SH3GL2: variants seen among roughly 807,000 people sequenced by gnomAD.
SH3GL2 encodes the protein SH3 domain containing GRB2 like 2, endophilin A1.
A neutral mutation model predicts 46.0 loss-of-function variants in SH3GL2; 24 were observed. The ratio of observed to expected loss-of-function variants is 0.52; its 90% CI spans 0.38 to 0.73. SH3GL2 has a LOEUF of 0.73. Among genes scored for constraint, SH3GL2 ranks in the 30% least tolerant of loss-of-function variants. SH3GL2 has a pLI of 0.00. For missense variants in SH3GL2, 413 were observed against 424.2 expected (o/e 0.97, Z 0.23); for synonymous variants, 196 against 147.1 (o/e 1.33, Z -2.40).
intron 1 of SH3GL2, among the ~76,000 whole-genome samples, chr9:17,650,968 G>T (rs890834233): frequency 6.6e-6 from 1 of 151,296 alleles, no homozygotes; most frequent in Non-Finnish European, 1.5e-5. Flanking sequence ...CCTTTTCTCT[G>T]TTTCTCCCCT....
At chr9:17,639,384 C>G (rs1384573576) in intron 1 of SH3GL2, among the ~76,000 whole-genome samples, 1 of 152,030 alleles carries the variant, frequency 6.6e-6, no homozygotes, top group Non-Finnish European at 1.5e-5. Context: ...AAAATATAGA[C>G]AAATGGTTTG....
intron 1 of SH3GL2, among the ~76,000 whole-genome samples, chr9:17,581,103 AT>A (rs1379298054): frequency 6.6e-6 from 1 of 152,260 alleles, no homozygotes; most frequent in Non-Finnish European, 1.5e-5. Context: ...AATTATAGTT[AT>A]TGACATAAAG....
chr9:17,645,541 TCAGGAGTTCTTGTAAGGCAGG>T (rs1819794327), intron 1 of SH3GL2, among the ~76,000 whole-genome samples: 1 of 152,192 alleles, frequency 6.6e-6, no homozygotes, highest in Admixed American at 6.5e-5. Flanking sequence ...AGTGCTTCCT[TCAGGAGTTCTTGTAAGGCAGG>T]CCTGATGGTG....
chr9:17,682,121 ATTAG>A (rs1378137584), intron 1 of SH3GL2, among the ~76,000 whole-genome samples: 4 of 152,184 alleles, frequency 2.6e-5, no homozygotes, highest in Non-Finnish European at 5.9e-5. Flanking sequence ...GGGAATGTAA[ATTAG>A]TTCAACCATT....
At chr9:17,579,915 A>C (rs1818246234) in intron 1 of SH3GL2, among the ~76,000 whole-genome samples, 1 of 152,216 alleles carries the variant, frequency 6.6e-6, no homozygotes, top group Admixed American at 6.5e-5. Flanking sequence ...GGGCATGACA[A>C]ACAGTCTGCG....
At chr9:17,624,806 T>C (rs1222243766) in intron 1 of SH3GL2, among the ~76,000 whole-genome samples, 8 of 152,210 alleles carry the variant, frequency 5.3e-5, no homozygotes, top group African/African-American at 1.9e-4. Context: ...AGAAAGGGTA[T>C]AGGCAGTATG....
At chr9:17,643,037 ATT>A (rs980384172) in intron 1 of SH3GL2, among the ~76,000 whole-genome samples, 1 of 152,120 alleles carries the variant, frequency 6.6e-6, no homozygotes, top group Non-Finnish European at 1.5e-5. Context: ...ATGTTTTTCC[ATT>A]TGTTTGTGTC....
At chr9:17,762,697 G>A (rs1204767287) in intron 3 of SH3GL2, among the ~76,000 whole-genome samples, 1 of 152,162 alleles carries the variant, frequency 6.6e-6, no homozygotes, top group Non-Finnish European at 1.5e-5. Flanking sequence ...AACTGACAGT[G>A]GTCTAGATAC....
intron 1 of SH3GL2, among the ~76,000 whole-genome samples, chr9:17,652,711 C>T (rs966385692): frequency 6.6e-6 from 1 of 152,082 alleles, no homozygotes; most frequent in Admixed American, 6.5e-5. Context: ...CTCATTGGAG[C>T]ATTAGAGTTC....
chr9:17,713,037 G>A (rs955767300), intron 1 of SH3GL2, among the ~76,000 whole-genome samples: 4 of 150,308 alleles, frequency 2.7e-5, no homozygotes, highest in Admixed American at 1.3e-4. Flanking sequence ...CCTTTTTAAA[G>A]TTTAAGGGCA....
Position 17,795,545 on chromosome 9 carries a change from T to C in SH3GL2, c.861T>C (p.Gly287=). The change falls in exon 9 of 9, where the codon GGT becomes GGC. Residue 287 remains glycine (G), a splice_region_variant and synonymous_variant. Transcript: ENST00000380607. The part of the protein sequence containing the change: ...LSHTGTPKPS[G]VQMDQPCCRA... ...CTTCTCTCCTGCTCTTACTCCCAGG[T>C]GTCCAAATGGATCAGCCCTGCTGCC... The C allele has an allele frequency of 6.2e-7, 1 of 1,613,080 alleles. No individual in the cohort carries two copies. The highest frequency in any genetic ancestry group is 8.5e-7 in the Non-Finnish European group (1 of 1,179,148).
At chr9:17,770,823 C>T (rs145791864) in intron 3 of SH3GL2, among the ~76,000 whole-genome samples, 2 of 152,192 alleles carry the variant, frequency 1.3e-5, no homozygotes, top group African/African-American at 4.8e-5. Context: ...CCAGAGCTCT[C>T]AATCACACTG....
At chr9:17,784,341 A>G (rs1823896934) in intron 3 of SH3GL2, among the ~76,000 whole-genome samples, 1 of 152,170 alleles carries the variant, frequency 6.6e-6, no homozygotes, top group Admixed American at 6.6e-5. Context: ...GCCAAGATAT[A>G]AGCACTTACC....
chr9:17,641,225 T>C (rs1588197849), intron 1 of SH3GL2, among the ~76,000 whole-genome samples: 1 of 152,144 alleles, frequency 6.6e-6, no homozygotes, highest in Non-Finnish European at 1.5e-5. Context: ...AAGCAAACAG[T>C]TTTTCCAGTC....
intron 1 of SH3GL2, among the ~76,000 whole-genome samples, chr9:17,699,797 C>T (rs1404780128): frequency 6.6e-6 from 1 of 152,182 alleles, no homozygotes; most frequent in East Asian, 1.9e-4. Context: ...ATTTATTCAG[C>T]CAGTCATCTC....
intron 1 of SH3GL2, among the ~76,000 whole-genome samples, chr9:17,729,069 T>C (rs971129771): frequency 6.6e-6 from 1 of 152,066 alleles, no homozygotes; most frequent in African/African-American, 2.4e-5. Flanking sequence ...CAATGACAAA[T>C]TTATACTCCA....
intron 4 of SH3GL2, 46 bp from the exon 5 acceptor site, chr9:17,787,334 A>C: frequency 1.3e-6 from 2 of 1,566,610 alleles, no homozygotes; most frequent in Non-Finnish European, 1.7e-6. Flanking sequence ...TTGCGAGTGC[A>C]TTTCATCTTT....
intron 8 of SH3GL2, 56 bp from the exon 9 acceptor site, chr9:17,795,488 G>A: frequency 1.4e-6 from 2 of 1,442,000 alleles, no homozygotes; most frequent in East Asian, 2.3e-5. Flanking sequence ...GATTCTGTGA[G>A]TTAAATACCC....
At chr9:17,725,955 C>CA (rs1311228608) in intron 1 of SH3GL2, among the ~76,000 whole-genome samples, 1 of 152,128 alleles carries the variant, frequency 6.6e-6, no homozygotes, top group African/African-American at 2.4e-5. Flanking sequence ...GTTTCCATCA[C>CA]AGAGCTGGCA....
Sources: gnomAD v4.1 joint callset for allele counts (sites outside exome capture counted in the v4.1 genomes callset) on GRCh38, gnomAD v4.1.1 for gene constraint, MANE v1.5 for transcripts, NCBI Gene and HGNC (gene_info 2026-07-23, HGNC 2026-07-21) for gene names.